SYT7: variants seen among roughly 807,000 people sequenced by gnomAD.
The protein encoded by SYT7 is synaptotagmin-7.
A neutral mutation model predicts 75.1 loss-of-function variants in SYT7; 29 were observed. The ratio of observed to expected loss-of-function variants is 0.39; its 90% CI spans 0.29 to 0.53. The LOEUF (loss-of-function observed/expected upper bound fraction) is 0.53. Among genes scored for constraint, SYT7 ranks in the 20% least tolerant of loss-of-function variants. The pLI is 0.77. For synonymous variants in SYT7, 376 were observed against 401.7 expected (o/e 0.94, Z 0.76); for missense variants, 693 against 953.2 (o/e 0.73, Z 3.59).
chr11:61,552,215 G>C (rs190854606), intron 2 of SYT7, among the ~76,000 whole-genome samples: 1 of 152,212 alleles, frequency 6.6e-6, no homozygotes, highest in East Asian at 1.9e-4. Context: ...GCCTGCTGCC[G>C]GGAAGGTGAG....
At position 61,524,786 on chromosome 11, in the gene SYT7, G is replaced by A. The variant is rs560926419; in HGVS notation, c.1472-254C>T. On this transcript the variant is annotated intron_variant, in intron 9 of 12. Transcript: ENST00000539008. The surrounding 1 kb of genome is among the most constrained non-coding windows in gnomAD (Gnocchi z 4.1). ...TCCATCTTACAGATGAGGCTCAGAC[G>A]GCTTAAAGTACTTGCCCAGACTCCC... 3.7e-5 allele frequency: 15 copies of A among 401,826 alleles called. No homozygotes were observed. Among genetic ancestry groups the A allele is most frequent in the African/African-American group, 2.7e-4 (13 of 48,048 alleles). The allele number at this position is 401,826 out of a possible 1,614,324, so 24.9% of individuals were successfully genotyped here.
intron 4 of SYT7, 76 bp downstream of exon 4, chr11:61,547,101 G>A: frequency 5.4e-6 from 8 of 1,486,984 alleles, no homozygotes; most frequent in Non-Finnish European, 7.2e-6. Flanking sequence ...TCCAGAGGTG[G>A]GTGGGGGCAG....
chr11:61,538,022 C>T (rs576751449), intron 7 of SYT7, 122 bp downstream of exon 7: 147 of 1,401,360 alleles, frequency 1.0e-4, no homozygotes, highest in African/African-American at 6.4e-4. Flanking sequence ...CTTGTCCTTC[C>T]GCTCCAGCAT....
intron 7 of SYT7, chr11:61,533,563 C>T: frequency 1.0e-6 from 1 of 985,436 alleles, no homozygotes; most frequent in Non-Finnish European, 1.2e-6. Flanking sequence ...TCATTACCCT[C>T]TGCAAACACG....
chr11:61,552,696 A>G (rs771842599), intron 2 of SYT7, among the ~76,000 whole-genome samples: 5 of 152,186 alleles, frequency 3.3e-5, no homozygotes, highest in Admixed American at 6.5e-5. Context: ...TAGGGAGACC[A>G]GCAGCAAAGC....
chr11:61,523,333 C>T lies in SYT7; in HGVS notation c.1757-59G>A. On this transcript the variant is annotated intron_variant, in intron 11 of 12. Coordinates refer to ENST00000539008, the MANE Select transcript of SYT7 (RefSeq NM_001365809.2). This position sits in a 1 kb window ranked among gnomAD's most constrained non-coding sequence, Gnocchi z 5.0. ...CGTGGGGGAGGGACTTCCTAGGATC[C>T]TTTTCCCCTTCCAGGAATGGAAGCT... is the stretch of plus-strand genomic sequence containing the variant. The T allele has an allele frequency of 6.5e-7, 1 of 1,532,194 alleles. No individual in the cohort carries two copies. The highest frequency in any genetic ancestry group is 1.7e-5 in the Admixed American group (1 of 59,420). 94.9% of individuals were successfully genotyped at this position (1,532,194 alleles called of 1,614,324 possible). A position where few individuals can be genotyped will look rare whatever the true frequency, so the allele number is the denominator to read the frequency against.
intron 1 of SYT7, among the ~76,000 whole-genome samples, chr11:61,574,246 C>T (rs1438347906): frequency 1.3e-5 from 2 of 152,200 alleles, no homozygotes; most frequent in Non-Finnish European, 2.9e-5. Context: ...CATCTTCCAA[C>T]CGCCTGGGAG....
chr11:61,581,972 GGGA>G (rs1408141773), upstream of SYT7, among the ~76,000 whole-genome samples: 8 of 152,152 alleles, frequency 5.3e-5, no homozygotes, highest in Non-Finnish European at 1.0e-4. Flanking sequence ...TTCTGGGGCA[GGGA>G]GGAGAAGAGA....
chr11:61,541,331 G>T, intron 6 of SYT7: 1 of 984,760 alleles, frequency 1.0e-6, no homozygotes, highest in Non-Finnish European at 1.2e-6. Flanking sequence ...CAAAGGAGGG[G>T]GGTGATGTTG....
chr11:61,533,816 AT>A, intron 7 of SYT7: 1 of 264,902 alleles, frequency 3.8e-6, no homozygotes, highest in Non-Finnish European at 5.8e-6. Context: ...ATGTAAGCTC[AT>A]TTAGTTTAAT....
At position 61,523,231 on chromosome 11, in the gene SYT7, C is replaced by T. The variant is rs1020732368; in HGVS notation, c.1800G>A (p.Val600=). 8 of 1,614,054 alleles carry T rather than the reference C, an allele frequency of 5.0e-6. No homozygotes were observed. In the African/African-American group the frequency reaches 6.7e-5, roughly 13 times the overall value. ...TCATCGTCACCGTCTTCTTCTTCTC[C>T]ACCCGCTTGTCCTTGTACATCAGCC... The part of the protein sequence containing the change: ...KVWLMYKDKR[V]EKKKTVTMKR... The change falls in exon 12 of 13, where the codon GTG becomes GTA. Residue 600 remains valine, a synonymous_variant. Coordinates refer to ENST00000539008, the MANE Select transcript of SYT7 (RefSeq NM_001365809.2). The surrounding 1 kb of genome is among the most constrained non-coding windows in gnomAD (Gnocchi z 5.0).
At chr11:61,567,488 T>A (rs1177809564) in intron 1 of SYT7, among the ~76,000 whole-genome samples, 1 of 152,200 alleles carries the variant, frequency 6.6e-6, no homozygotes, top group Non-Finnish European at 1.5e-5. Flanking sequence ...TCCGAGAGAC[T>A]GTGCATAGTG....
At chr11:61,562,832 A>G (rs1271048812) in intron 1 of SYT7, among the ~76,000 whole-genome samples, 1 of 152,090 alleles carries the variant, frequency 6.6e-6, no homozygotes, top group East Asian at 1.9e-4. Context: ...ACCAGGGCTC[A>G]GCCCCGACTC....
intron 6 of SYT7, 80 bp from the exon 7 acceptor site, chr11:61,538,346 GGAGA>G (rs58071370): frequency 0.017 from 3,424 of 202,658 alleles, 14 homozygotes; most frequent in East Asian, 0.047. Context: ...GGAGAGAGAG[GGAGA>G]GAGAGAGAGA....
chr11:61,582,457 A>T (rs1417622857), upstream of SYT7, among the ~76,000 whole-genome samples: 3 of 152,054 alleles, frequency 2.0e-5, no homozygotes, highest in Admixed American at 6.5e-5. Context: ...CGACACACAC[A>T]CAAACAGACC....
Position 61,517,810 on chromosome 11 carries a change from G to T in SYT7, c.*817C>A. ...AATTGCTGAGGAGGGAACTACTTCA[G>T]ATTCTGAGCAGAGGGGGGCACCAAG... On this transcript the variant is annotated 3_prime_UTR_variant, in exon 13 of 13. Coordinates refer to ENST00000539008, the MANE Select transcript of SYT7 (RefSeq NM_001365809.2). The T allele has an allele frequency of 3.0e-6, 1 of 332,856 alleles. No homozygotes were observed. Among genetic ancestry groups the T allele is most frequent in the Non-Finnish European group, 5.4e-6 (1 of 185,652 alleles). The allele number at this position is 332,856 out of a possible 1,614,324, so 20.6% of individuals were successfully genotyped here.
chr11:61,567,271 G>A (rs2063795186), intron 1 of SYT7, among the ~76,000 whole-genome samples: 1 of 152,156 alleles, frequency 6.6e-6, no homozygotes, highest in Non-Finnish European at 1.5e-5. Flanking sequence ...TTCCCTCTAC[G>A]AGATGCCGTT....
At chr11:61,535,033 T>C (rs1436882200) in intron 7 of SYT7, among the ~76,000 whole-genome samples, 3 of 152,160 alleles carry the variant, frequency 2.0e-5, no homozygotes, top group Non-Finnish European at 4.4e-5. Context: ...TCGGCACAGC[T>C]GCCAAGCAGC....
At position 61,523,457 on chromosome 11, in the gene SYT7, C is replaced by G. The variant is rs1350666331; in HGVS notation, c.1757-183G>C. 6.6e-6 allele frequency among the ~76,000 whole-genome samples: 1 copy of G among 152,134 alleles called. No individual in the cohort carries two copies. Among genetic ancestry groups the G allele is most frequent in the African/African-American group, 2.4e-5 (1 of 41,418 alleles). On this transcript the variant is annotated intron_variant, in intron 11 of 12. Coordinates refer to ENST00000539008, the MANE Select transcript of SYT7 (RefSeq NM_001365809.2). This position sits in a 1 kb window ranked among gnomAD's most constrained non-coding sequence, Gnocchi z 5.0. ...TCAGCAGATGGACCTTAGCGATCAC[C>G]TGGGGCCCTCCTATTACTACCAATG... is the stretch of plus-strand genomic sequence containing the variant.
Sources: allele counts gnomAD v4.1 joint callset (sites outside exome capture counted in the v4.1 genomes callset), GRCh38; gene constraint gnomAD v4.1.1; non-coding constraint Gnocchi (gnomAD v3.1); transcripts MANE v1.5; gene names NCBI Gene and HGNC (gene_info 2026-07-23, HGNC 2026-07-21).